Variants in TLE2 observed in about 807,000 individuals in gnomAD.
TLE2 encodes TLE family member 2, transcriptional corepressor.
In TLE2, 74 loss-of-function variants were observed where a neutral mutation model predicts 97.2. The observed-to-expected ratio is 0.76, with a 90% confidence interval of 0.63 to 0.92. The LOEUF (loss-of-function observed/expected upper bound fraction) is 0.92, where lower values mean the gene tolerates loss of function less well. TLE2 is among the 40% of genes least tolerant of loss of function. The pLI, the probability that TLE2 is intolerant of heterozygous loss-of-function variation, is 0.00. For synonymous variants in TLE2, 499 were observed against 432.1 expected (o/e 1.15, Z -1.92); for missense variants, 1,038 against 1,008.7 (o/e 1.03, Z -0.39).
chr19:3,047,352 C>G (rs564330453), upstream of TLE2, among the ~76,000 whole-genome samples: 3 of 145,152 alleles, frequency 2.1e-5, no homozygotes, highest in East Asian at 6.6e-4. Flanking sequence ...CACGCCCCCC[C>G]AGGACGCCTC....
chr19:3,041,637 C>T (rs1003549905), intron 1 of TLE2, among the ~76,000 whole-genome samples: 2 of 152,360 alleles, frequency 1.3e-5, no homozygotes. Flanking sequence ...GTGTTCTCTG[C>T]AATGGTCTTG....
chr19:3,014,518 A>C (rs1251812739), intron 10 of TLE2, 52 bp downstream of exon 10: 1 of 1,469,766 alleles, frequency 6.8e-7, no homozygotes, highest in Non-Finnish European at 9.1e-7. Flanking sequence ...CAGAAAACCC[A>C]CCCCTTGCTC....
intron 7 of TLE2, 77 bp from the exon 8 acceptor site, chr19:3,017,936 A>G: frequency 7.0e-7 from 1 of 1,431,302 alleles, no homozygotes. Flanking sequence ...CAGAGGGTAC[A>G]GCCCTCCAGT....
intron 7 of TLE2, 61 bp from the exon 8 acceptor site, chr19:3,017,920 C>A: frequency 6.4e-7 from 1 of 1,556,034 alleles, no homozygotes; most frequent in Non-Finnish European, 8.8e-7. Context: ...TTTGTATCCA[C>A]GGCGCCAGAG....
chr19:3,045,810 A>G (rs543197063), upstream of TLE2: 226 of 398,770 alleles, frequency 5.7e-4, 1 homozygote, highest in African/African-American at 4.5e-3. Flanking sequence ...CTGGGCAACA[A>G]GAGTGAAACT....
Position 3,029,160 on chromosome 19 carries a change from C to CTGCACTGAGTT in TLE2, c.-257_-256insAACTCAGTGCA. ...GCAGGGGCAGCGGCCGGGGCGGGAG[C>CTGCACTGAGTT]GCGGCGAGGGCGGCCGCGGCAGCCG... On this transcript the variant is annotated 5_prime_UTR_variant, in exon 1 of 20. Transcript: ENST00000262953. 1.1e-6 allele frequency: 1 copy of CTGCACTGAGTT among 887,126 alleles called. No homozygotes were observed. The highest frequency in any genetic ancestry group is 1.3e-6 in the Non-Finnish European group (1 of 741,176). 55.0% of individuals were successfully genotyped at this position (887,126 alleles called of 1,614,324 possible).
chr19:3,007,754 T>C (rs1381115150), intron 14 of TLE2, among the ~76,000 whole-genome samples: 1 of 152,146 alleles, frequency 6.6e-6, no homozygotes, highest in Non-Finnish European at 1.5e-5. Flanking sequence ...CCCGGCCACC[T>C]GTGACCAGTT....
chr19:3,013,393 T>C (rs2089636592), intron 11 of TLE2, among the ~76,000 whole-genome samples: 1 of 151,988 alleles, frequency 6.6e-6, no homozygotes, highest in South Asian at 2.1e-4. Context: ...TTCCTATTGA[T>C]TGCAAGAGAG....
chr19:3,027,991 G>A, intron 3 of TLE2, 118 bp from the exon 4 acceptor site: 3 of 1,067,224 alleles, frequency 2.8e-6, no homozygotes, highest in Non-Finnish European at 4.2e-6. Flanking sequence ...GCAGGAAGCA[G>A]AGCCCCCCCC....
upstream of TLE2, among the ~76,000 whole-genome samples, chr19:3,046,463 C>G (rs1051236152): frequency 6.6e-6 from 1 of 152,198 alleles, no homozygotes; most frequent in Non-Finnish European, 1.5e-5. Context: ...AAGGGGGATT[C>G]TGTAAGTGCT....
chr19:3,006,632 G>GC lies in TLE2; in HGVS notation c.1287dup (p.Gln430AlafsTer94). The GC allele has an allele frequency of 8.1e-6, 13 of 1,609,910 alleles. No individual in the cohort carries two copies. The highest frequency in any genetic ancestry group is 1.1e-5 in the Non-Finnish European group (13 of 1,177,908). On this transcript the variant is annotated frameshift_variant, in exon 15 of 20. Transcript: ENST00000262953. LOFTEE classifies it high-confidence loss of function. ...GCATCCGAGGGGAAGGGAACCGGCT[G>GC]CATCTGCCCGTCCGCAGACACGTGG...
intron 8 of TLE2, among the ~76,000 whole-genome samples, chr19:3,016,689 C>T (rs1161558416): frequency 1.3e-5 from 2 of 152,052 alleles, no homozygotes; most frequent in African/African-American, 4.8e-5. Flanking sequence ...TGCTGAACGG[C>T]TGATGGCTAG....
intron 17 of TLE2, 87 bp downstream of exon 17, chr19:3,005,350 C>T: frequency 1.3e-6 from 2 of 1,521,258 alleles, no homozygotes; most frequent in South Asian, 1.3e-5. Context: ...TCCTGTCCTG[C>T]CTCTGGAAGT....
chr19:3,022,109 C>T (rs114257572), intron 5 of TLE2, among the ~76,000 whole-genome samples: 5,666 of 151,692 alleles, frequency 0.037, 341 homozygotes, highest in African/African-American at 0.13. Flanking sequence ...AATGCAGTGG[C>T]GTGATCTCGG....
At chr19:3,011,538 A>G (rs1036653280) in intron 11 of TLE2, among the ~76,000 whole-genome samples, 1 of 149,708 alleles carries the variant, frequency 6.7e-6, no homozygotes, top group South Asian at 2.1e-4. Context: ...TCAAAAAAAA[A>G]AAAAAAGACT....
intron 1 of TLE2, among the ~76,000 whole-genome samples, chr19:3,037,387 C>G (rs1165623702): frequency 6.6e-6 from 1 of 152,216 alleles, no homozygotes; most frequent in Non-Finnish European, 1.5e-5. Flanking sequence ...TGAGCAGTGC[C>G]TTTAGATTAC....
chr19:3,010,236 T>G (rs1187043773), intron 12 of TLE2, among the ~76,000 whole-genome samples: 1 of 151,834 alleles, frequency 6.6e-6, no homozygotes, highest in Non-Finnish European at 1.5e-5. Context: ...TGGTGGTGCA[T>G]GCCCGTAATT....
chr19:3,027,972 G>A (rs1483760387), intron 3 of TLE2, 99 bp from the exon 4 acceptor site: 1 of 1,251,780 alleles, frequency 8.0e-7, no homozygotes. Flanking sequence ...CAGGTTCAGG[G>A]GAATCACAGC....
intron 5 of TLE2, among the ~76,000 whole-genome samples, chr19:3,020,775 G>C (rs1475905976): frequency 6.6e-6 from 1 of 151,996 alleles, no homozygotes; most frequent in Non-Finnish European, 1.5e-5. Context: ...AGAGCTGTGG[G>C]ACTCTGCTGC....
Sources: gnomAD v4.1 joint callset for allele counts (sites outside exome capture counted in the v4.1 genomes callset) on GRCh38, gnomAD v4.1.1 for gene constraint, MANE v1.5 for transcripts, NCBI Gene and HGNC (gene_info 2026-07-23, HGNC 2026-07-21) for gene names.